Variants in ZNF831 observed in about 807,000 individuals in gnomAD.
ZNF831 encodes the protein chromosome 20 open reading frame 174.
In ZNF831, 59 loss-of-function variants were observed where a neutral mutation model predicts 95.8. That is an observed-to-expected ratio of 0.62 (90% confidence interval 0.50 to 0.77). The LOEUF is 0.77. Among genes scored for constraint, ZNF831 ranks in the 30% least tolerant of loss-of-function variants. The probability of loss-of-function intolerance (pLI) is 0.00; values close to 1 mark genes in which losing one functional copy is unlikely to be tolerated. For missense variants in ZNF831, 2,205 were observed against 2,164.0 expected (o/e 1.02, Z -0.38); for synonymous variants, 961 against 925.5 (o/e 1.04, Z -0.70).
At chr20:59,138,438 G>T (rs1344917151) in intron 1 of ZNF831, among the ~76,000 whole-genome samples, 2 of 151,656 alleles carry the variant, frequency 1.3e-5, no homozygotes, top group South Asian at 2.1e-4. Context: ...CTTCAGTCTC[G>T]CTGGCCCCCG....
chr20:59,189,390 G>A (rs1010392038), intron 1 of ZNF831, among the ~76,000 whole-genome samples: 5 of 152,132 alleles, frequency 3.3e-5, no homozygotes, highest in Non-Finnish European at 7.3e-5. Flanking sequence ...AATTAGGGCT[G>A]TGTTTCACAG....
At chr20:59,243,764 GT>G (rs1987454546) in intron 4 of ZNF831, among the ~76,000 whole-genome samples, 1 of 152,174 alleles carries the variant, frequency 6.6e-6, no homozygotes, top group Non-Finnish European at 1.5e-5. Flanking sequence ...CTTCCCCAGA[GT>G]GTAAATCTTA....
At chr20:59,220,354 C>T (rs981191378) in intron 4 of ZNF831, among the ~76,000 whole-genome samples, 7 of 152,144 alleles carry the variant, frequency 4.6e-5, no homozygotes, top group African/African-American at 7.2e-5. Context: ...TCTGTTTCCC[C>T]GACACCCACC....
chr20:59,153,835 T>C (rs1000929943), intron 2 of ZNF831, among the ~76,000 whole-genome samples: 2 of 152,254 alleles, frequency 1.3e-5, no homozygotes, highest in Admixed American at 1.3e-4. Context: ...AAGTACCTAA[T>C]TGGAGCTGGG....
chr20:59,220,842 A>G (rs528533287), intron 4 of ZNF831, among the ~76,000 whole-genome samples: 1 of 152,102 alleles, frequency 6.6e-6, no homozygotes, highest in Non-Finnish European at 1.5e-5. Context: ...CAGGATAAAT[A>G]ATTTTGCTTT....
chr20:59,151,019 C>G (rs1289604076), intron 2 of ZNF831, among the ~76,000 whole-genome samples: 3 of 152,220 alleles, frequency 2.0e-5, no homozygotes, highest in Non-Finnish European at 2.9e-5. Context: ...CCCATGAGCA[C>G]AGCCTCCAGC....
At chr20:59,235,502 G>C (rs1986951566) in intron 4 of ZNF831, among the ~76,000 whole-genome samples, 1 of 152,068 alleles carries the variant, frequency 6.6e-6, no homozygotes, top group Admixed American at 6.5e-5. Context: ...GTTAACCTAG[G>C]CCCTTATCAG....
At chr20:59,196,102 C>T in intron 3 of ZNF831, 97 bp downstream of exon 3, 2 of 1,499,618 alleles carry the variant, frequency 1.3e-6, no homozygotes, top group Non-Finnish European at 1.8e-6. Context: ...GAAAGAGTTC[C>T]TGTTTCCTAG....
intron 1 of ZNF831, among the ~76,000 whole-genome samples, chr20:59,140,869 G>GT (rs1468476568): frequency 6.6e-6 from 1 of 152,156 alleles, no homozygotes; most frequent in Non-Finnish European, 1.5e-5. Context: ...TATGTGGTTT[G>GT]TGCAGGGTCT....
chr20:59,127,641 T>A (rs1227260611), intron 1 of ZNF831, among the ~76,000 whole-genome samples: 2 of 152,238 alleles, frequency 1.3e-5, no homozygotes, highest in Non-Finnish European at 2.9e-5. Flanking sequence ...CCTACTTTAT[T>A]TTCCAGCGTG....
At chr20:59,150,818 G>A (rs1411173223) in intron 2 of ZNF831, among the ~76,000 whole-genome samples, 4 of 152,328 alleles carry the variant, frequency 2.6e-5, no homozygotes, top group South Asian at 2.1e-4. Context: ...TGGCGCACCC[G>A]AACGCTCAGT....
chr20:59,139,371 A>C (rs1402756448), intron 1 of ZNF831, among the ~76,000 whole-genome samples: 1 of 152,084 alleles, frequency 6.6e-6, no homozygotes, highest in African/African-American at 2.4e-5. Flanking sequence ...AATAAAAATA[A>C]TTTTTATTTT....
At chr20:59,186,704 T>C (rs1306240333) in intron 1 of ZNF831, among the ~76,000 whole-genome samples, 1 of 152,210 alleles carries the variant, frequency 6.6e-6, no homozygotes, top group African/African-American at 2.4e-5. Flanking sequence ...TTAGCTCTTA[T>C]CCGTTCTGGC....
At position 59,230,056 on chromosome 20, in the gene ZNF831, T is replaced by G. The variant is rs995226077; in HGVS notation, c.4028-22922T>G. ...GTCTTCCCCCAGCATGTAATACTAG[T>G]TTTCCATCTGAGACAATAATATAAA... On this transcript the variant is annotated intron_variant, in intron 4 of 5. Coordinates refer to ENST00000371030, the MANE Select transcript of ZNF831 (RefSeq NM_178457.3). Among the ~76,000 whole-genome samples the G allele has an allele frequency of 4.6e-5, 7 of 152,188 alleles. No individual in the cohort carries two copies. In the East Asian group the frequency reaches 1.3e-3, roughly 29 times the overall value.
At chr20:59,133,482 A>C (rs1023495345) in intron 1 of ZNF831, among the ~76,000 whole-genome samples, 12 of 152,236 alleles carry the variant, frequency 7.9e-5, no homozygotes, top group Admixed American at 2.0e-4. Flanking sequence ...ATATGAATGC[A>C]GGTCTGTCCA....
chr20:59,207,093 C>A, intron 4 of ZNF831, 37 bp downstream of exon 4: 1 of 1,604,306 alleles, frequency 6.2e-7, no homozygotes, highest in Non-Finnish European at 8.5e-7. Context: ...AGACTGGGCA[C>A]TCGAAGGCAC....
chr20:59,180,765 A>G (rs1323242294), intron 1 of ZNF831, among the ~76,000 whole-genome samples: 1 of 152,188 alleles, frequency 6.6e-6, no homozygotes, highest in African/African-American at 2.4e-5. Context: ...TTCTTTATCC[A>G]GTCTATCACT....
At position 59,258,699 on chromosome 20, in the gene ZNF831, A is replaced by G. The variant is rs1600700302; in HGVS notation, c.*3956A>G. 1 of 152,164 alleles carries G rather than the reference A, an allele frequency of 6.6e-6. No homozygotes were observed. The allele number at this position is 152,164 out of a possible 1,614,324, so 9.4% of individuals were successfully genotyped here. On this transcript the variant is annotated 3_prime_UTR_variant, in exon 6 of 6. Coordinates refer to ENST00000371030, the MANE Select transcript of ZNF831 (RefSeq NM_178457.3). ...GGCACTTTGGCTTTTGAAACACTAC[A>G]TTTCTCAATATTTAAGCACAATTTA...
chr20:59,250,499 T>C (rs1363028619), intron 4 of ZNF831, among the ~76,000 whole-genome samples: 1 of 152,210 alleles, frequency 6.6e-6, no homozygotes, highest in Admixed American at 6.5e-5. Flanking sequence ...GTCAGCTTTT[T>C]TGTGCCCATT....
Sources: gnomAD v4.1 joint callset for allele counts (sites outside exome capture counted in the v4.1 genomes callset) on GRCh38, gnomAD v4.1.1 for gene constraint, MANE v1.5 for transcripts, NCBI Gene and HGNC (gene_info 2026-07-23, HGNC 2026-07-21) for gene names.